The following ABHD6 variants were observed in gnomAD, a reference collection of about 807,000 sequenced individuals.
The protein encoded by ABHD6 is abhydrolase domain containing 6, acylglycerol lipase, also known as monoacylglycerol lipase ABHD6.
Under a neutral mutation model 38.8 loss-of-function variants are expected in ABHD6, and 33 were observed. The ratio of observed to expected loss-of-function variants is 0.85; its 90% CI spans 0.64 to 1.14. The LOEUF is 1.14. Ranked by LOEUF, ABHD6 falls within the 50% of genes most tolerant of loss-of-function variation. The pLI is 0.00. For synonymous variants in ABHD6, 147 were observed against 161.6 expected, an observed-to-expected ratio of 0.91 and a Z score of 0.69; for missense variants, 380 against 422.6, an observed-to-expected ratio of 0.90 and a Z score of 0.88.
intron 6 of ABHD6, among the ~76,000 whole-genome samples, chr3:58,274,221 A>T (rs528424813): frequency 6.6e-6 from 1 of 152,258 alleles, no homozygotes; most frequent in South Asian, 2.1e-4. Context: ...TGCCAGCCCT[A>T]TGTTTTCTTC....
intron 2 of ABHD6, among the ~76,000 whole-genome samples, chr3:58,255,154 C>T (rs1241701751): frequency 6.6e-6 from 1 of 152,206 alleles, no homozygotes; most frequent in African/African-American, 2.4e-5. Flanking sequence ...TGGGGACACC[C>T]AGTCCTTACT....
At chr3:58,264,301 A>G (rs1476483149) in intron 3 of ABHD6, among the ~76,000 whole-genome samples, 1 of 151,956 alleles carries the variant, frequency 6.6e-6, no homozygotes, top group African/African-American at 2.4e-5. Context: ...TAGGTCAACA[A>G]GGGGCATGAG....
intron 2 of ABHD6, among the ~76,000 whole-genome samples, chr3:58,253,539 G>A (rs573475813): frequency 5.8e-4 from 88 of 152,338 alleles, no homozygotes; most frequent in African/African-American, 1.3e-3. Context: ...TGTAATTACC[G>A]AAAGAGGAAA....
chr3:58,272,817 A>G (rs1430829750), intron 6 of ABHD6, among the ~76,000 whole-genome samples: 1 of 152,240 alleles, frequency 6.6e-6, no homozygotes, highest in Non-Finnish European at 1.5e-5. Context: ...CAAGAGTTTT[A>G]AAATAAACTT....
chr3:58,292,363 G>C (rs2107485587), intron 9 of ABHD6, among the ~76,000 whole-genome samples: 1 of 152,314 alleles, frequency 6.6e-6, no homozygotes, highest in East Asian at 1.9e-4. Flanking sequence ...GGGCCCTCTT[G>C]TCTAGGATGA....
rs1425689421 is a variant in ABHD6, at chr3:58,257,633, G to T, written c.119+928G>T. Among the ~76,000 whole-genome samples, 1 of 152,168 alleles carries T rather than the reference G, an allele frequency of 6.6e-6. No homozygotes were observed. The highest frequency in any genetic ancestry group is 2.4e-5 in the African/African-American group (1 of 41,426). On this transcript the variant is annotated intron_variant, in intron 3 of 9. Transcript: ENST00000478253. The surrounding 1 kb of genome is among the most constrained non-coding windows in gnomAD (Gnocchi z 4.8). Reference sequence around the variant, plus strand: ...CCACCTCAGCCTCCCAAAGTGCTGGGATTACAGGTGTGAGCCACTGCGCCT... The same window carrying T: ...CCACCTCAGCCTCCCAAAGTGCTGGTATTACAGGTGTGAGCCACTGCGCCT...
In ABHD6 at chr3:58,293,741, A is replaced by G. The variant is rs991202708; in HGVS notation, c.990A>G (p.Thr330=). The change falls in exon 10 of 10, where the codon ACA becomes ACG. Residue 330 remains threonine, a synonymous_variant. Coordinates refer to ENST00000478253, the MANE Select transcript of ABHD6 (RefSeq NM_001320126.2). This position sits in a 1 kb window ranked among gnomAD's most constrained non-coding sequence, Gnocchi z 4.4. ...IIDFLASVHN[T]DNNKKLD ...ACTTTTTAGCTTCTGTGCACAACAC[A>G]GACAACAACAAGAAGCTGGACTGAG... The G allele has an allele frequency of 1.7e-5, 27 of 1,614,072 alleles. No individual in the cohort carries two copies. Among genetic ancestry groups the G allele is most frequent in the South Asian group, 2.2e-5 (2 of 91,092 alleles).
At chr3:58,276,708 G>A (rs1389195367) in intron 7 of ABHD6, among the ~76,000 whole-genome samples, 1 of 152,260 alleles carries the variant, frequency 6.6e-6, no homozygotes, top group East Asian at 1.9e-4. Flanking sequence ...TTCCTGTATG[G>A]TATTGCCTAG....
At chr3:58,289,464 T>C (rs1314336115) in intron 9 of ABHD6, among the ~76,000 whole-genome samples, 1 of 149,786 alleles carries the variant, frequency 6.7e-6, no homozygotes, top group Non-Finnish European at 1.5e-5. Flanking sequence ...TTCAGGCATC[T>C]GTTTAACAAA....
chr3:58,278,160 C>G (rs189673869), intron 7 of ABHD6, among the ~76,000 whole-genome samples: 50 of 152,224 alleles, frequency 3.3e-4, no homozygotes, highest in Admixed American at 1.5e-3. Context: ...TGATTGGAAT[C>G]GTTTCCAAAG....
intron 9 of ABHD6, among the ~76,000 whole-genome samples, chr3:58,286,338 T>C (rs566089517): frequency 6.6e-6 from 1 of 151,912 alleles, no homozygotes; most frequent in Non-Finnish European, 1.5e-5. Flanking sequence ...TTTTTTTTAG[T>C]AGAGACGGGG....
chr3:58,258,802 A>C (rs2097435075), intron 3 of ABHD6, among the ~76,000 whole-genome samples: 1 of 152,072 alleles, frequency 6.6e-6, no homozygotes, highest in Admixed American at 6.5e-5. Context: ...AACTAATTGA[A>C]TGGAAGGGAG....
intron 7 of ABHD6, among the ~76,000 whole-genome samples, chr3:58,276,172 A>G (rs1185933749): frequency 6.6e-6 from 1 of 152,150 alleles, no homozygotes; most frequent in African/African-American, 2.4e-5. Context: ...CTAGTTCTAG[A>G]TCCTTGAGGA....
At chr3:58,243,054 TC>T (rs1484193612) in intron 1 of ABHD6, among the ~76,000 whole-genome samples, 2 of 152,160 alleles carry the variant, frequency 1.3e-5, no homozygotes, top group Non-Finnish European at 2.9e-5. Flanking sequence ...CATGAACTCA[TC>T]CTTTTTTATG....
chr3:58,289,759 C>G (rs1197943306), intron 9 of ABHD6, among the ~76,000 whole-genome samples: 1 of 152,206 alleles, frequency 6.6e-6, no homozygotes, highest in South Asian at 2.1e-4. Context: ...GGCACACCTC[C>G]CAGACGGGGT....
intron 1 of ABHD6, among the ~76,000 whole-genome samples, chr3:58,248,996 C>T (rs1297625746): frequency 3.9e-5 from 6 of 152,148 alleles, no homozygotes; most frequent in Admixed American, 3.9e-4. Context: ...TATTTCCCTC[C>T]TGGTAAATTA....
intron 7 of ABHD6, among the ~76,000 whole-genome samples, chr3:58,281,595 C>T (rs1010527544): frequency 6.6e-6 from 1 of 152,214 alleles, no homozygotes; most frequent in African/African-American, 2.4e-5. Context: ...CCTCTGTGGG[C>T]TGCACCCACT....
intron 1 of ABHD6, among the ~76,000 whole-genome samples, chr3:58,246,487 C>T (rs1220781744): frequency 6.6e-6 from 1 of 152,212 alleles, no homozygotes. Flanking sequence ...AATCAGGTAG[C>T]ACGGCTTTCT....
intron 7 of ABHD6, among the ~76,000 whole-genome samples, chr3:58,282,904 C>T (rs79345900): frequency 0.013 from 2,055 of 152,294 alleles, 55 homozygotes; most frequent in African/African-American, 0.047. Context: ...TGGCCTGAAG[C>T]TGTACCACTG....
Sources: allele counts gnomAD v4.1 joint callset (sites outside exome capture counted in the v4.1 genomes callset), GRCh38; gene constraint gnomAD v4.1.1; non-coding constraint Gnocchi (gnomAD v3.1); transcripts MANE v1.5; gene names NCBI Gene and HGNC (gene_info 2026-07-23, HGNC 2026-07-21).